Variants in INTS7 observed in about 807,000 individuals in gnomAD.
INTS7 encodes the protein chromosome 1 open reading frame 73.
Under a neutral mutation model 109.2 loss-of-function variants are expected in INTS7, and 46 were observed. The ratio of observed to expected loss-of-function variants is 0.42; its 90% CI spans 0.33 to 0.54. The LOEUF is 0.54. Among genes scored for constraint, INTS7 ranks in the 20% least tolerant of loss-of-function variants. The pLI is 0.07. For missense variants in INTS7, 929 were observed against 1,132.4 expected, an observed-to-expected ratio of 0.82 and a Z score of 2.58; for synonymous variants, 412 against 402.9, an observed-to-expected ratio of 1.02 and a Z score of -0.27.
At chr1:211,949,667 T>C (rs1290004414) in intron 17 of INTS7, among the ~76,000 whole-genome samples, 2 of 152,208 alleles carry the variant, frequency 1.3e-5, no homozygotes, top group East Asian at 1.9e-4. Flanking sequence ...TGCTTCTATA[T>C]GATAATATAC....
chr1:211,947,511 T>A (rs1662893137), intron 17 of INTS7, among the ~76,000 whole-genome samples: 2 of 152,186 alleles, frequency 1.3e-5, no homozygotes, highest in African/African-American at 2.4e-5. Context: ...TCTACTCCCG[T>A]CTCAGTGGCC....
chr1:211,951,393 C>G (rs1663080979), intron 17 of INTS7, among the ~76,000 whole-genome samples: 1 of 152,128 alleles, frequency 6.6e-6, no homozygotes, highest in Non-Finnish European at 1.5e-5. Flanking sequence ...ACTGCAACCT[C>G]CGCCACCCGG....
intron 2 of INTS7, among the ~76,000 whole-genome samples, 174 bp from the exon 3 acceptor site, chr1:212,020,442 A>G (rs941414854): frequency 6.6e-6 from 1 of 152,190 alleles, no homozygotes; most frequent in African/African-American, 2.4e-5. Context: ...ATTAAGCATA[A>G]GCAGTGAGCT....
At chr1:211,983,880 C>T (rs1487990327) in intron 8 of INTS7, among the ~76,000 whole-genome samples, 1 of 151,358 alleles carries the variant, frequency 6.6e-6, no homozygotes, top group Non-Finnish European at 1.5e-5. Flanking sequence ...CAGAGTCTCA[C>T]TCTGTTGCCC....
intron 16 of INTS7, among the ~76,000 whole-genome samples, chr1:211,963,360 C>CA (rs78591238): frequency 2.1e-4 from 31 of 150,048 alleles, no homozygotes; most frequent in Middle Eastern, 3.5e-3. Flanking sequence ...GCCTACCAAC[C>CA]AAAAAAAAAG....
At chr1:211,984,673 A>G (rs2102432761) in intron 8 of INTS7, among the ~76,000 whole-genome samples, 1 of 152,280 alleles carries the variant, frequency 6.6e-6, no homozygotes, top group Non-Finnish European at 1.5e-5. Context: ...AGAGTAGAAA[A>G]TGGTAAAAGG....
intron 7 of INTS7, among the ~76,000 whole-genome samples, chr1:212,004,993 C>G (rs1665840213): frequency 6.6e-6 from 1 of 152,146 alleles, no homozygotes; most frequent in Non-Finnish European, 1.5e-5. Context: ...TCTGTTAAAA[C>G]TGAAGATACG....
At chr1:211,964,035 A>G (rs898317568) in intron 16 of INTS7, among the ~76,000 whole-genome samples, 1 of 152,172 alleles carries the variant, frequency 6.6e-6, no homozygotes, top group African/African-American at 2.4e-5. Context: ...TCCAAATAAG[A>G]AGAGAGGAAG....
chr1:211,953,053 T>C (rs961712061), intron 16 of INTS7, among the ~76,000 whole-genome samples: 1 of 152,136 alleles, frequency 6.6e-6, no homozygotes, highest in African/African-American at 2.4e-5. Flanking sequence ...AAACCATCCA[T>C]AAAGATATGT....
chr1:211,990,683 C>A (rs1283125081), intron 7 of INTS7, among the ~76,000 whole-genome samples: 1 of 152,116 alleles, frequency 6.6e-6, no homozygotes, highest in African/African-American at 2.4e-5. Context: ...GAAGGGAAGA[C>A]AGTCTAGGTA....
At position 211,976,628 on chromosome 1, in the gene INTS7, G is replaced by T; in HGVS notation, c.1562C>A (p.Ser521Tyr). ...AVIKQQLESV[S>Y]NGWTVYRIAR... ...AATACGGTATACAGTCCATCCATTG[G>T]AGACACTTTCAAGCTGCTGCTTAAT... Residue 521 changes from serine to tyrosine, a missense_variant, in exon 12 of 20, where the codon TCC (serine) becomes TAC (tyrosine). By Grantham distance (144) the Ser-to-Tyr change is moderately radical (BLOSUM62 -2). Around this residue, in one of 2 missense-constraint regions of INTS7, gnomAD observed 787 missense variants for 901.1 expected, o/e 0.87. Transcript: ENST00000366994. The T allele has an allele frequency of 6.2e-7, 1 of 1,613,944 alleles. No individual in the cohort carries two copies. The highest frequency in any genetic ancestry group is 1.1e-5 in the South Asian group (1 of 91,076).
chr1:212,014,689 G>A (rs1240738684), intron 4 of INTS7, among the ~76,000 whole-genome samples: 2 of 150,978 alleles, frequency 1.3e-5, no homozygotes, highest in Non-Finnish European at 3.0e-5. Flanking sequence ...GGGATTGCAG[G>A]TGCGCCGCCA....
rs1037083392 is a variant in INTS7 at position 211,967,776 on chromosome 1, G to A, written c.2114+102C>T. On this transcript the variant is annotated intron_variant, in intron 15 of 19. Coordinates refer to ENST00000366994, the MANE Select transcript of INTS7 (RefSeq NM_015434.4). ...GGAAACTATATAATAAATTTATAGG[G>A]TTATTTAACATGTATTTTGTAGGTA... The A allele has an allele frequency of 3.9e-5, 26 of 660,294 alleles. No homozygotes were observed. In the East Asian group the frequency reaches 6.5e-4, roughly 16 times the overall value. 40.9% of individuals were successfully genotyped at this position (660,294 alleles called of 1,614,324 possible).
At chr1:211,998,234 G>A (rs549810897) in intron 7 of INTS7, among the ~76,000 whole-genome samples, 6 of 152,246 alleles carry the variant, frequency 3.9e-5, no homozygotes, top group African/African-American at 1.4e-4. Flanking sequence ...TAAAAGCACT[G>A]GGATTATAGG....
At chr1:212,025,264 T>C (rs995828338) in intron 1 of INTS7, among the ~76,000 whole-genome samples, 2 of 152,162 alleles carry the variant, frequency 1.3e-5, no homozygotes, top group African/African-American at 4.8e-5. Flanking sequence ...TTCTATTTTA[T>C]ATGACATTAT....
intron 8 of INTS7, among the ~76,000 whole-genome samples, chr1:211,983,404 CCT>C (rs1664745812): frequency 6.6e-6 from 1 of 152,038 alleles, no homozygotes; most frequent in Non-Finnish European, 1.5e-5. Context: ...TTCTAATGCC[CCT>C]GTTATTATAC....
rs769600276 is a variant in INTS7, at chr1:211,976,460, C to T, written c.1608+122G>A. ...TCCTTTCCTTCCTCATCTTCAGAAC[C>T]CATGACTAAAAGGTACTTCCATCTT... On this transcript the variant is annotated intron_variant, in intron 12 of 19. Transcript: ENST00000366994. The T allele has an allele frequency of 1.0e-3, 858 of 831,274 alleles. 1 individual carries two copies. Among genetic ancestry groups the T allele is most frequent in the Non-Finnish European group, 1.4e-3 (733 of 540,900 alleles). 51.5% of individuals were successfully genotyped at this position (831,274 alleles called of 1,614,324 possible). A position where few individuals can be genotyped will look rare whatever the true frequency, so the allele number is the denominator to read the frequency against.
intron 4 of INTS7, among the ~76,000 whole-genome samples, chr1:212,013,386 G>A (rs961637149): frequency 1.3e-5 from 2 of 152,180 alleles, no homozygotes; most frequent in African/African-American, 4.8e-5. Context: ...TTATACAGCT[G>A]TATGTTTGTA....
At chr1:211,962,109 A>G (rs185299480) in intron 16 of INTS7, among the ~76,000 whole-genome samples, 18 of 152,196 alleles carry the variant, frequency 1.2e-4, no homozygotes, top group Middle Eastern at 3.4e-3. Context: ...CCAAAACTCA[A>G]TGGTATGCCA....
Sources: gnomAD v4.1 joint callset for allele counts (sites outside exome capture counted in the v4.1 genomes callset) on GRCh38, gnomAD v4.1.1 for gene constraint, gnomAD v4.1.1 regional missense constraint, MANE v1.5 for transcripts, NCBI Gene and HGNC (gene_info 2026-07-23, HGNC 2026-07-21) for gene names.